The following PDIA5 variants were observed in gnomAD, a reference collection of about 807,000 sequenced individuals.
PDIA5 encodes protein disulfide isomerase family A member 5, also known as protein disulfide-isomerase A5.
A neutral mutation model predicts 77.6 loss-of-function variants in PDIA5; 58 were observed. That is an observed-to-expected ratio of 0.75 (90% CI 0.61 to 0.93). PDIA5 has a LOEUF of 0.93. Ranked by LOEUF, PDIA5 falls within the 40% of genes least tolerant of loss-of-function variation. PDIA5 has a pLI of 0.00. For missense variants in PDIA5, 630 were observed against 647.7 expected, an observed-to-expected ratio of 0.97 and a Z score of 0.30; for synonymous variants, 250 against 252.1, an observed-to-expected ratio of 0.99 and a Z score of 0.08.
chr3:123,157,640 A>G (rs188269813), intron 15 of PDIA5, among the ~76,000 whole-genome samples: 2 of 152,168 alleles, frequency 1.3e-5, no homozygotes, highest in East Asian at 1.9e-4. Flanking sequence ...GTTCACTTCC[A>G]TTTTCATAGC....
At chr3:123,110,383 A>T (rs1217764274) in intron 6 of PDIA5, among the ~76,000 whole-genome samples, 1 of 152,066 alleles carries the variant, frequency 6.6e-6, no homozygotes, top group Admixed American at 6.6e-5. Flanking sequence ...GGGGATAAGG[A>T]TGGTGGTGGC....
chr3:123,067,227 T>A, intron 1 of PDIA5, 21 bp downstream of exon 1: 1 of 1,243,686 alleles, frequency 8.0e-7, no homozygotes, highest in Non-Finnish European at 1.0e-6. Flanking sequence ...GGGGCAGGGA[T>A]CCGGGCCGGG....
intron 1 of PDIA5, among the ~76,000 whole-genome samples, chr3:123,072,362 G>A (rs977451346): frequency 6.6e-6 from 1 of 152,200 alleles, no homozygotes; most frequent in African/African-American, 2.4e-5. Context: ...ACCCAACACA[G>A]CGCTTGGCAC....
chr3:123,098,920 G>A (rs1420946998), intron 3 of PDIA5, among the ~76,000 whole-genome samples: 1 of 152,234 alleles, frequency 6.6e-6, no homozygotes, highest in African/African-American at 2.4e-5. Flanking sequence ...GAGGTAGGCA[G>A]TAGATCAATT....
intron 5 of PDIA5, among the ~76,000 whole-genome samples, chr3:123,104,592 G>C (rs1319923400): frequency 6.6e-6 from 1 of 152,262 alleles, no homozygotes; most frequent in Non-Finnish European, 1.5e-5. Context: ...GGCCAGTTAA[G>C]TGAGAACTTA....
intron 8 of PDIA5, among the ~76,000 whole-genome samples, chr3:123,119,024 G>A (rs187272326): frequency 6.6e-6 from 1 of 152,180 alleles, no homozygotes; most frequent in Non-Finnish European, 1.5e-5. Flanking sequence ...GCCAAAGTGG[G>A]AGGATCACTT....
rs775886643 is a variant in PDIA5, at chr3:123,161,998, A to G, written c.*38A>G. The G allele has an allele frequency of 8.6e-7, 1 of 1,161,764 alleles. No individual in the cohort carries two copies. Among genetic ancestry groups the G allele is most frequent in the South Asian group, 1.3e-5 (1 of 78,618 alleles). 72.0% of individuals were successfully genotyped at this position (1,161,764 alleles called of 1,614,324 possible). A position where few individuals can be genotyped will look rare whatever the true frequency, so the allele number is the denominator to read the frequency against. On this transcript the variant is annotated 3_prime_UTR_variant, in exon 17 of 17. Coordinates refer to ENST00000316218, the MANE Select transcript of PDIA5 (RefSeq NM_006810.4). The stretch of plus-strand genomic sequence containing the variant: ...AAAAAGCTTTTCCATTACACTGTGA[A>G]TGATACCTGTTTTGTTGTTTCTGAA...
At position 123,106,773 on chromosome 3, in the gene PDIA5, C is replaced by A; in HGVS notation, c.412C>A (p.Pro138Thr). 6.2e-7 allele frequency: 1 copy of A among 1,612,174 alleles called. No individual in the cohort carries two copies. The highest frequency in any genetic ancestry group is 1.1e-5 in the South Asian group (1 of 90,930). The change falls in exon 6 of 17, where the codon CCA becomes ACA. Residue 138 changes from proline (P) to threonine (T), a missense_variant. By Grantham distance (38) the Pro-to-Thr change is conservative. Transcript: ENST00000316218. ...FKSIVAFLKD[P>T]KGPPLWEEDP... ...GTCCATAGTGGCCTTTTTGAAGGATCCAAAAGGGCCCCCACTGTGGGAGGA... is the reference window on the plus strand; with the variant it reads ...GTCCATAGTGGCCTTTTTGAAGGATACAAAAGGGCCCCCACTGTGGGAGGA...
chr3:123,067,142 C>T lies in PDIA5; in HGVS notation c.-23C>T. The T allele has an allele frequency of 8.0e-7, 1 of 1,245,374 alleles. No homozygotes were observed. Among genetic ancestry groups the T allele is most frequent in the Non-Finnish European group, 1.0e-6 (1 of 991,142 alleles). The allele number at this position is 1,245,374 out of a possible 1,614,324, so 77.1% of individuals were successfully genotyped here. A position where few individuals can be genotyped will look rare whatever the true frequency, so the allele number is the denominator to read the frequency against. On this transcript the variant is annotated 5_prime_UTR_variant, in exon 1 of 17. Coordinates refer to ENST00000316218, the MANE Select transcript of PDIA5 (RefSeq NM_006810.4). Reference sequence around the variant, plus strand: ...CGGGCGCCGGAGTGGAGAAAGGAGCCAGCGGTGGGCAGCGCTGCTGGGATG... The same window carrying T: ...CGGGCGCCGGAGTGGAGAAAGGAGCTAGCGGTGGGCAGCGCTGCTGGGATG...
chr3:123,157,145 A>T (rs192074003), intron 15 of PDIA5, among the ~76,000 whole-genome samples: 2 of 152,066 alleles, frequency 1.3e-5, no homozygotes, highest in African/African-American at 2.4e-5. Context: ...GCCAGGGATC[A>T]CCCTCACTTG....
chr3:123,100,637 AG>A (rs1934565913), intron 3 of PDIA5, among the ~76,000 whole-genome samples: 1 of 152,184 alleles, frequency 6.6e-6, no homozygotes, highest in South Asian at 2.1e-4. Flanking sequence ...TGGGGGTGGA[AG>A]GGGGCAGGGA....
intron 11 of PDIA5, among the ~76,000 whole-genome samples, chr3:123,131,288 C>T (rs1161407057): frequency 6.6e-6 from 1 of 151,592 alleles, no homozygotes; most frequent in Admixed American, 6.6e-5. Context: ...GGCGTGGTGG[C>T]GTGCACCTAT....
intron 5 of PDIA5, among the ~76,000 whole-genome samples, chr3:123,103,852 A>AT (rs1179699582): frequency 2.0e-5 from 3 of 152,156 alleles, no homozygotes; most frequent in Non-Finnish European, 2.9e-5. Flanking sequence ...GAGAGAACAC[A>AT]TGTTCCCCAG....
chr3:123,081,265 G>A (rs1933997803), intron 1 of PDIA5, among the ~76,000 whole-genome samples: 1 of 152,210 alleles, frequency 6.6e-6, no homozygotes, highest in Non-Finnish European at 1.5e-5. Flanking sequence ...ATCACTTTCA[G>A]TTCCTCAGTT....
chr3:123,071,299 G>A (rs1379558589), intron 1 of PDIA5, among the ~76,000 whole-genome samples: 1 of 152,146 alleles, frequency 6.6e-6, no homozygotes, highest in Non-Finnish European at 1.5e-5. Context: ...TCTGCTGAAT[G>A]TAAATCGGGT....
chr3:123,113,237 C>T (rs573654029), intron 7 of PDIA5, among the ~76,000 whole-genome samples: 11 of 152,124 alleles, frequency 7.2e-5, no homozygotes, highest in East Asian at 3.9e-4. Context: ...ATATGCAGTG[C>T]GTGCCACAAG....
At chr3:123,151,549 G>A (rs1935892192) in intron 14 of PDIA5, among the ~76,000 whole-genome samples, 3 of 152,210 alleles carry the variant, frequency 2.0e-5, no homozygotes, top group Admixed American at 1.3e-4. Flanking sequence ...CCAGACCTCT[G>A]GACCAGAGCC....
At chr3:123,151,782 G>GCCTTCCTGCCT (rs1190186464) in intron 14 of PDIA5, among the ~76,000 whole-genome samples, 17 of 50,144 alleles carry the variant, frequency 3.4e-4, no homozygotes, top group African/African-American at 1.4e-3. Context: ...CTGCCTGCCT[G>GCCTTCCTGCCT]GCCTGCCTTC....
rs781751788 is a variant in PDIA5 at position 123,130,560 on chromosome 3, A to G, written c.854A>G (p.Asp285Gly). 1 of 1,614,028 alleles carries G rather than the reference A, an allele frequency of 6.2e-7. No individual in the cohort carries two copies. Among genetic ancestry groups the G allele is most frequent in the Admixed American group, 1.7e-5 (1 of 60,008 alleles). ...GGSVYHLTDE[D>G]FDQFVKEHSS... ...TCCGTTTATCACCTGACCGATGAAGACTTTGACCAGTTTGTGAAGGAACAC... is the reference window on the plus strand; with the variant it reads ...TCCGTTTATCACCTGACCGATGAAGGCTTTGACCAGTTTGTGAAGGAACAC... Residue 285 changes from aspartate to glycine, a missense_variant, in exon 11 of 17, where the codon GAC becomes GGC. Coordinates refer to ENST00000316218, the MANE Select transcript of PDIA5 (RefSeq NM_006810.4).
Sources: gnomAD v4.1 joint callset for allele counts (sites outside exome capture counted in the v4.1 genomes callset) on GRCh38, gnomAD v4.1.1 for gene constraint, MANE v1.5 for transcripts, NCBI Gene and HGNC (gene_info 2026-07-23, HGNC 2026-07-21) for gene names.